The following ZBED6 variants were observed in gnomAD, a reference collection of about 807,000 sequenced individuals.
ZBED6 encodes zinc finger BED domain-containing protein 6.
Under a neutral mutation model 58.4 loss-of-function variants are expected in ZBED6, and 40 were observed. That is an observed-to-expected ratio of 0.68 (90% CI 0.53 to 0.89). The LOEUF (loss-of-function observed/expected upper bound fraction) is 0.89. Among genes scored for constraint, ZBED6 ranks in the 40% least tolerant of loss-of-function variants. The probability of loss-of-function intolerance (pLI) is 0.00; values close to 1 mark genes in which losing one functional copy is unlikely to be tolerated. For synonymous variants in ZBED6, 439 were observed against 350.6 expected (o/e 1.25, Z -2.82); for missense variants, 1,057 against 1,003.9 (o/e 1.05, Z -0.71).
Position 203,821,663 on chromosome 1 carries a change from A to G in ZBED6, c.*2873+2974A>G, listed in dbSNP as rs1340378629. Among the ~76,000 whole-genome samples, 5 of 152,120 alleles carry G rather than the reference A, an allele frequency of 3.3e-5. No individual in the cohort carries two copies. The East Asian group carries it at 7.7e-4, about 23-fold the overall frequency. ...AGAAGTTAAGATTTGGGCTGCTCCT[A>G]GAGTGTCATCACTTTCAGGTCCTCT... On this transcript the variant is annotated intron_variant, in intron 3 of 16. Transcript: ENST00000550078.
chr1:203,831,518 A>G (rs1682365029), intron 7 of ZBED6, 143 bp from the exon 8 acceptor site: 1 of 649,332 alleles, frequency 1.5e-6, no homozygotes, highest in African/African-American at 1.8e-5. Context: ...GACTGTAGGC[A>G]AACAGATACA....
At chr1:203,829,700 CAT>C (rs767717362) in intron 5 of ZBED6, 46 bp downstream of exon 5, 17 of 1,612,654 alleles carry the variant, frequency 1.1e-5, no homozygotes, top group East Asian at 2.2e-5. Context: ...AATAGGGTCT[CAT>C]AGTGAATTGG....
At chr1:203,820,487 T>TGTGTGTG (rs1553263519) in intron 3 of ZBED6, among the ~76,000 whole-genome samples, 1 of 152,044 alleles carries the variant, frequency 6.6e-6, no homozygotes, top group Non-Finnish European at 1.5e-5. Context: ...TGTGTGTATA[T>TGTGTGTG]TTTGAGTTGA....
chr1:203,843,029 A>G (rs1406694094), intron 11 of ZBED6, among the ~76,000 whole-genome samples: 1 of 151,406 alleles, frequency 6.6e-6, no homozygotes, highest in African/African-American at 2.4e-5. Flanking sequence ...GTTACTTTTT[A>G]TCCCCCATCC....
chr1:203,806,220 G>T, intron 1 of ZBED6: 1 of 390,922 alleles, frequency 2.6e-6, no homozygotes, highest in Non-Finnish European at 5.0e-6. Flanking sequence ...CATTCAGGCT[G>T]GGCAGCGGAG....
chr1:203,848,335 G>T, exon 13 of ZBED6: 1 of 1,612,414 alleles, frequency 6.2e-7, no homozygotes, highest in African/African-American at 1.3e-5. Flanking sequence ...ATACAGGGAT[G>T]AAAGAAGAGA....
At chr1:203,835,670 ACT>A (rs1367128153) in intron 9 of ZBED6, 4 of 239,900 alleles carry the variant, frequency 1.7e-5, no homozygotes, top group Non-Finnish European at 3.6e-5. Context: ...GAACCACACC[ACT>A]GTTTCCATGG....
chr1:203,802,907 T>C (rs1253161141), exon 1 of ZBED6: 1 of 152,552 alleles, frequency 6.6e-6, no homozygotes, highest in Non-Finnish European at 1.5e-5. Context: ...GAAATTTTTT[T>C]CTGCCTCATT....
chr1:203,815,898 C>T (rs933931432), intron 1 of ZBED6, among the ~76,000 whole-genome samples: 1 of 152,120 alleles, frequency 6.6e-6, no homozygotes, highest in Non-Finnish European at 1.5e-5. Flanking sequence ...CTTGCTTGGA[C>T]GTTTTAGTGT....
chr1:203,811,900 C>T (rs993156822), intron 1 of ZBED6, among the ~76,000 whole-genome samples: 2 of 151,616 alleles, frequency 1.3e-5, no homozygotes, highest in African/African-American at 4.8e-5. Context: ...ACTGCAACCT[C>T]CACCTCCTGT....
rs571699255 is a variant in ZBED6, at chr1:203,809,782, C to T, written c.*2554+6766C>T. 6.6e-4 allele frequency among the ~76,000 whole-genome samples: 101 copies of T among 151,924 alleles called. No homozygotes were observed. In the South Asian group the frequency reaches 0.02, roughly 30 times the overall value. ...CAATCTGGCCAACATGGTGAAACCCCGTCTCTACTAAAAATACAAAAATTA... is the reference window on the plus strand; with the variant it reads ...CAATCTGGCCAACATGGTGAAACCCTGTCTCTACTAAAAATACAAAAATTA... On this transcript the variant is annotated intron_variant, in intron 1 of 16. Coordinates refer to ENST00000550078, the Ensembl canonical transcript of ZBED6.
chr1:203,818,626 C>T (rs1248716957), exon 3 of ZBED6: 3 of 1,614,112 alleles, frequency 1.9e-6, no homozygotes, highest in Admixed American at 3.3e-5. Flanking sequence ...AAACTGTTTG[C>T]ACATTATGGC....
At chr1:203,849,664 T>G in intron 13 of ZBED6, 47 bp from the exon 14 acceptor site, 1 of 1,572,188 alleles carries the variant, frequency 6.4e-7, no homozygotes, top group Non-Finnish European at 8.7e-7. Context: ...TCATACAGGT[T>G]ATTAGAGGTA....
In ZBED6 at chr1:203,799,210, C is replaced by G. The variant is rs572167679; in HGVS notation, c.1688C>G (p.Ser563Cys). 7.8e-5 allele frequency: 78 copies of G among 995,288 alleles called. No homozygotes were observed. The South Asian group carries it at 9.4e-4, about 12-fold the overall frequency. The allele number at this position is 995,288 out of a possible 1,614,324, so 61.7% of individuals were successfully genotyped here. A position where few individuals can be genotyped will look rare whatever the true frequency, so the allele number is the denominator to read the frequency against. Reference sequence around the variant, plus strand: ...TTCCTTATCCCTAGCTTCATTGTTTCTGACAATTCCTCTAATGTGGTACAT... The same window carrying G: ...TTCCTTATCCCTAGCTTCATTGTTTGTGACAATTCCTCTAATGTGGTACAT... The change falls in exon 1 of 17, where the codon TCT (serine) becomes TGT (cysteine). Residue 563 changes from serine (S) to cysteine (C), a missense_variant. By Grantham distance (112) the Ser-to-Cys change is moderately radical. Coordinates refer to ENST00000550078, the Ensembl canonical transcript of ZBED6.
chr1:203,818,207 C>A (rs1677015865), intron 2 of ZBED6, among the ~76,000 whole-genome samples: 1 of 151,702 alleles, frequency 6.6e-6, no homozygotes, highest in South Asian at 2.1e-4. Context: ...TATTTAAATT[C>A]TATTTACTTT....
At chr1:203,811,082 A>G (rs11240552) in intron 1 of ZBED6, among the ~76,000 whole-genome samples, 47,489 of 150,716 alleles carry the variant, frequency 0.32, 8,129 homozygotes, top group East Asian at 0.74. Flanking sequence ...TGGAGGTTGC[A>G]ATGAGCCGAG....
exon 1 of ZBED6, chr1:203,798,746 T>G: frequency 6.5e-7 from 1 of 1,536,082 alleles, no homozygotes. Context: ...CAGTCTCAAG[T>G]CACATAAGTC....
At chr1:203,848,376 C>T (rs1306488300) in exon 13 of ZBED6, 1 of 1,613,214 alleles carries the variant, frequency 6.2e-7, no homozygotes, top group Non-Finnish European at 8.5e-7. Flanking sequence ...GAAGTTGATT[C>T]TCAGAGCAGT....
chr1:203,851,259 T>C (rs1304472340), intron 16 of ZBED6, 135 bp downstream of exon 16: 1 of 779,944 alleles, frequency 1.3e-6, no homozygotes, highest in Non-Finnish European at 2.0e-6. Context: ...TGCAAGAAAG[T>C]ATGAAAATCT....
Sources: allele counts gnomAD v4.1 joint callset (sites outside exome capture counted in the v4.1 genomes callset), GRCh38; gene constraint gnomAD v4.1.1; transcripts MANE v1.5; gene names NCBI Gene and HGNC (gene_info 2026-07-23, HGNC 2026-07-21).